The following ACYP1 variants were observed in gnomAD, a reference collection of about 807,000 sequenced individuals.
The protein encoded by ACYP1 is acylphosphatase-1.
A neutral mutation model predicts 10.4 loss-of-function variants in ACYP1; 8 were observed. That is an observed-to-expected ratio of 0.77 (90% CI 0.45 to 1.38). The LOEUF (loss-of-function observed/expected upper bound fraction) is 1.38. Among genes scored for constraint, ACYP1 ranks in the 40% most tolerant of loss-of-function variants. ACYP1 has a pLI of 0.00. For missense variants in ACYP1, 93 were observed against 117.3 expected (o/e 0.79, Z 0.96); for synonymous variants, 38 against 40.8 (o/e 0.93, Z 0.26).
chr14:75,053,378 T>G lies in ACYP1; in HGVS notation c.*66A>C. 1 of 1,382,386 alleles carries G rather than the reference T, an allele frequency of 7.2e-7. No homozygotes were observed. The highest frequency in any genetic ancestry group is 1.0e-6 in the Non-Finnish European group (1 of 974,794). 85.6% of individuals were successfully genotyped at this position (1,382,386 alleles called of 1,614,324 possible). The stretch of plus-strand genomic sequence containing the variant: ...TAATGCTAATATTAACACACAATAG[T>G]TCTATCTCTATTAATAATAAAAACC... On this transcript the variant is annotated 3_prime_UTR_variant, in exon 3 of 3. Coordinates refer to ENST00000238618, the MANE Select transcript of ACYP1 (RefSeq NM_001107.5).
chr14:75,063,749 G>A (rs1022167671), intron 1 of ACYP1, among the ~76,000 whole-genome samples, 188 bp from the exon 2 acceptor site: 1 of 152,078 alleles, frequency 6.6e-6, no homozygotes, highest in African/African-American at 2.4e-5. Flanking sequence ...ACCAGACGCC[G>A]GGAGAGGGAG....
At chr14:75,055,248 G>A (rs950809345) in intron 2 of ACYP1, among the ~76,000 whole-genome samples, 6 of 150,596 alleles carry the variant, frequency 4.0e-5, no homozygotes, top group Non-Finnish European at 5.9e-5. Context: ...AACCACTCCC[G>A]GCTAATTTTT....
chr14:75,067,803 G>C (rs79352331), upstream of ACYP1, among the ~76,000 whole-genome samples: 1,512 of 151,926 alleles, frequency 1.0e-2, 20 homozygotes, highest in African/African-American at 0.032. Context: ...AGACCAGCCT[G>C]GGTAACAAAG....
At chr14:75,063,817 G>T in intron 1 of ACYP1, 137 bp downstream of exon 1, 2 of 738,466 alleles carry the variant, frequency 2.7e-6, no homozygotes, top group Non-Finnish European at 3.9e-6. Context: ...GAGGACCGAT[G>T]ACCTCCTTAC....
intron 2 of ACYP1, chr14:75,061,588 T>C: frequency 1.5e-6 from 1 of 645,450 alleles, no homozygotes; most frequent in Non-Finnish European, 2.4e-6. Context: ...TAGAGAAAGA[T>C]GGGCTATGCA....
exon 1 of ACYP1, chr14:75,069,374 G>A: frequency 8.9e-7 from 1 of 1,118,894 alleles, no homozygotes; most frequent in Non-Finnish European, 1.2e-6. Context: ...TGGGAGCGTC[G>A]TTCTCAGAAA....
chr14:75,060,244 T>C, intron 2 of ACYP1: 2 of 692,958 alleles, frequency 2.9e-6, no homozygotes, highest in Non-Finnish European at 5.2e-6. Flanking sequence ...ATTTAAATCC[T>C]TTTAAATTCA....
chr14:75,063,134 T>C (rs1311745657), intron 2 of ACYP1: 1 of 306,686 alleles, frequency 3.3e-6, no homozygotes, highest in Non-Finnish European at 6.3e-6. Flanking sequence ...CTTCAATCAA[T>C]GTTAGCCTTT....
chr14:75,057,440 T>C (rs887644798), intron 2 of ACYP1, among the ~76,000 whole-genome samples: 2 of 151,592 alleles, frequency 1.3e-5, no homozygotes, highest in Non-Finnish European at 2.9e-5. Flanking sequence ...GATCTACAGA[T>C]TCAACTCAAT....
At chr14:75,055,148 G>A (rs1032019204) in intron 2 of ACYP1, among the ~76,000 whole-genome samples, 5 of 143,484 alleles carry the variant, frequency 3.5e-5, no homozygotes, top group African/African-American at 5.3e-5. Flanking sequence ...GTGCAGTGGC[G>A]TGATCTCAGC....
At chr14:75,053,690 G>C in intron 2 of ACYP1, 31 bp from the exon 3 acceptor site, 20 of 1,596,520 alleles carry the variant, frequency 1.3e-5, no homozygotes, top group Non-Finnish European at 1.6e-5. Context: ...GAGAGATCCA[G>C]TGAGATTGAA....
At chr14:75,059,484 C>T (rs549339450) in intron 2 of ACYP1, among the ~76,000 whole-genome samples, 2 of 152,268 alleles carry the variant, frequency 1.3e-5, no homozygotes, top group Admixed American at 6.5e-5. Context: ...AACTTTTGTA[C>T]TTCACAGACA....
At chr14:75,063,923 A>C (rs1893093872) in intron 1 of ACYP1, 31 bp downstream of exon 1, 2 of 1,007,136 alleles carry the variant, frequency 2.0e-6, no homozygotes, top group Non-Finnish European at 2.4e-6. Flanking sequence ...TCGACCTGAG[A>C]AGCACACCCT....
At chr14:75,056,262 G>C (rs1390326288) in intron 2 of ACYP1, among the ~76,000 whole-genome samples, 1 of 150,544 alleles carries the variant, frequency 6.6e-6, no homozygotes, top group African/African-American at 2.5e-5. Context: ...AAGAATTAAG[G>C]GTTAAAAAAA....
chr14:75,063,598 A>C (rs1386752524), intron 1 of ACYP1, 37 bp from the exon 2 acceptor site: 8 of 1,563,104 alleles, frequency 5.1e-6, no homozygotes, highest in Admixed American at 5.1e-5. Flanking sequence ...GTGAAGGGCT[A>C]TTATTCCAGG....
intron 2 of ACYP1, chr14:75,060,172 C>T (rs1363947386): frequency 1.3e-5 from 8 of 623,688 alleles, no homozygotes; most frequent in Non-Finnish European, 1.7e-5. Flanking sequence ...TGGGATTTTC[C>T]AGTTATCCTT....
chr14:75,069,191 C>G (rs975132258), intron 1 of ACYP1: 1 of 1,515,712 alleles, frequency 6.6e-7, no homozygotes, highest in Non-Finnish European at 8.8e-7. Context: ...AAGCAAGGAG[C>G]GCGCGCGTGC....
chr14:75,053,262 T>C lies in ACYP1; in HGVS notation c.*182A>G, dbSNP rs1413536245. 1.6e-6 allele frequency: 1 copy of C among 614,460 alleles called. No individual in the cohort carries two copies. The highest frequency in any genetic ancestry group is 2.9e-5 in the East Asian group (1 of 34,884). The allele number at this position is 614,460 out of a possible 1,614,324, so 38.1% of individuals were successfully genotyped here. On this transcript the variant is annotated 3_prime_UTR_variant, in exon 3 of 3. Transcript: ENST00000238618. Reference sequence around the variant, plus strand: ...TAAGCAGAAGGTTCTAACGTTTTTATTGATTAGATTTGTGTACAGTGGTAA... The same window carrying C: ...TAAGCAGAAGGTTCTAACGTTTTTACTGATTAGATTTGTGTACAGTGGTAA...
At position 75,061,153 on chromosome 14, in the gene ACYP1, G is replaced by A. The variant is rs1316356737; in HGVS notation, c.84+2317C>T. ...ACAGAAAGTAGGTTAGTGGTTGCCA[G>A]GGGCTCAGGGGATGAGGAGTGAGTG... On this transcript the variant is annotated intron_variant, in intron 2 of 2. Coordinates refer to ENST00000238618, the MANE Select transcript of ACYP1 (RefSeq NM_001107.5). 4.6e-5 allele frequency among the ~76,000 whole-genome samples: 7 copies of A among 152,206 alleles called. No homozygotes were observed. The East Asian group carries it at 1.3e-3, about 29-fold the overall frequency.
Sources: gnomAD v4.1 joint callset for allele counts (sites outside exome capture counted in the v4.1 genomes callset) on GRCh38, gnomAD v4.1.1 for gene constraint, MANE v1.5 for transcripts, NCBI Gene and HGNC (gene_info 2026-07-23, HGNC 2026-07-21) for gene names.